The following HEXB variants were observed in gnomAD, a reference collection of about 807,000 sequenced individuals.
HEXB encodes beta-hexosaminidase subunit beta.
A neutral mutation model predicts 71.2 loss-of-function variants in HEXB; 51 were observed. The observed-to-expected ratio is 0.72, with a 90% confidence interval of 0.57 to 0.90. HEXB has a LOEUF of 0.90. HEXB is among the 40% of genes least tolerant of loss of function. HEXB has a pLI of 0.00. For missense variants in HEXB, 617 were observed against 677.0 expected, an observed-to-expected ratio of 0.91 and a Z score of 0.98; for synonymous variants, 266 against 249.3, an observed-to-expected ratio of 1.07 and a Z score of -0.63.
chr5:74,656,349 G>T (rs567251022), intron 1 of HEXB, among the ~76,000 whole-genome samples: 70 of 151,900 alleles, frequency 4.6e-4, no homozygotes, highest in African/African-American at 1.6e-3. Flanking sequence ...TGTGGTGGTG[G>T]GCACCTGTAA....
At chr5:74,682,844 T>C (rs1013256047), upstream of HEXB, among the ~76,000 whole-genome samples, 1 of 152,194 alleles carries the variant, frequency 6.6e-6, no homozygotes, top group Non-Finnish European at 1.5e-5. Context: ...TCATCCATCA[T>C]GAGTCATGGC....
chr5:74,667,002 G>C (rs1304543665), intron 1 of HEXB, among the ~76,000 whole-genome samples: 5 of 152,146 alleles, frequency 3.3e-5, no homozygotes, highest in African/African-American at 1.2e-4. Flanking sequence ...TCTGGCATTA[G>C]AGACAGTAGG....
chr5:74,661,496 A>T (rs1748318308), intron 1 of HEXB, among the ~76,000 whole-genome samples: 1 of 148,878 alleles, frequency 6.7e-6, no homozygotes, highest in South Asian at 2.1e-4. Flanking sequence ...GAAGTCATGA[A>T]TTCATTTTCT....
At chr5:74,677,703 A>T (rs1282587680) in intron 1 of HEXB, among the ~76,000 whole-genome samples, 1 of 151,448 alleles carries the variant, frequency 6.6e-6, no homozygotes, top group East Asian at 1.9e-4. Context: ...TTTTATTATT[A>T]TTTTTTATGC....
Position 74,685,333 on chromosome 5 carries a change from G to A in HEXB, c.73G>A (p.Ala25Thr). Residue 25 changes from alanine to threonine, a missense_variant, in exon 1 of 14, where the codon GCG (alanine) becomes ACG (threonine). By Grantham distance (58) the Ala-to-Thr change is moderately conservative (BLOSUM62 0). Coordinates refer to ENST00000261416, the MANE Select transcript of HEXB (RefSeq NM_000521.4). Reference protein sequence around the residue: ...LALLLATLLAAMLALLTQVAL... With the variant: ...LALLLATLLATMLALLTQVAL... ...GCTGCTGTTGGCGACACTGCTGGCG[G>A]CGATGTTGGCGCTGCTGACTCAGGT... 6.3e-7 allele frequency: 1 copy of A among 1,577,864 alleles called. No homozygotes were observed.
chr5:74,667,417 C>A lies in HEXB; in HGVS notation c.-376-21911C>A, dbSNP rs935485813. 1.2e-3 allele frequency among the ~76,000 whole-genome samples: 183 copies of A among 146,820 alleles called. 1 individual carries two copies. Among genetic ancestry groups the A allele is most frequent in the Non-Finnish European group, 1.4e-3 (95 of 66,326 alleles). On this transcript the variant is annotated intron_variant, in intron 1 of 13. Transcript: ENST00000511181. The stretch of plus-strand genomic sequence containing the variant: ...CTGGATGAGAAGAGCAAAACTCTCT[C>A]AAAAAAAAAAATTACCATACAGTCC...
In HEXB at chr5:74,720,413, A is replaced by G. The variant is rs779759186; in HGVS notation, c.1418-15A>G. On this transcript the variant is annotated splice_polypyrimidine_tract_variant and intron_variant, in intron 11 of 13. Coordinates refer to ENST00000261416, the MANE Select transcript of HEXB (RefSeq NM_000521.4). ...GCTTTGAACTTCTGAACTTAATTCA[A>G]TGATTTTAATTTAGGTACTCAGAAA... 8.4e-6 allele frequency: 13 copies of G among 1,551,096 alleles called. No homozygotes were observed. The highest frequency in any genetic ancestry group is 4.5e-5 in the South Asian group (4 of 89,864).
chr5:74,702,545 A>G (rs1286865585), intron 5 of HEXB, among the ~76,000 whole-genome samples: 1 of 152,170 alleles, frequency 6.6e-6, no homozygotes, highest in Non-Finnish European at 1.5e-5. Flanking sequence ...AGGTGACACA[A>G]TGTCTTATTT....
intron 3 of HEXB, 80 bp downstream of exon 3, chr5:74,693,784 A>G (rs1749053375): frequency 1.0e-6 from 1 of 992,080 alleles, no homozygotes; most frequent in Admixed American, 1.7e-5. Flanking sequence ...AAGCACAGCA[A>G]AACTTTGCCG....
chr5:74,673,720 T>C (rs1748581389), intron 1 of HEXB, among the ~76,000 whole-genome samples: 1 of 152,328 alleles, frequency 6.6e-6, no homozygotes, highest in South Asian at 2.1e-4. Context: ...ACGTATCCCT[T>C]TGCTGTGTAG....
chr5:74,655,219 C>T (rs1164914874), intron 1 of HEXB, among the ~76,000 whole-genome samples: 3 of 151,708 alleles, frequency 2.0e-5, no homozygotes, highest in Non-Finnish European at 2.9e-5. Context: ...ATAACAGGCA[C>T]TAAAAAGGGC....
intron 2 of HEXB, chr5:74,693,352 C>T (rs1749043516): frequency 2.1e-6 from 1 of 484,468 alleles, no homozygotes; most frequent in Non-Finnish European, 3.8e-6. Flanking sequence ...TTCTGAGTGA[C>T]TCAAGTGACT....
At chr5:74,675,411 A>G (rs558136635) in intron 1 of HEXB, among the ~76,000 whole-genome samples, 7 of 152,318 alleles carry the variant, frequency 4.6e-5, no homozygotes, top group East Asian at 1.9e-4. Flanking sequence ...GAGCCTGACT[A>G]AAGTTTGGTC....
At chr5:74,679,024 T>C (rs908355486) in intron 1 of HEXB, among the ~76,000 whole-genome samples, 2 of 152,266 alleles carry the variant, frequency 1.3e-5, no homozygotes, top group African/African-American at 2.4e-5. Context: ...TCATACACTG[T>C]TGCCGTTTTT....
At chr5:74,717,984 T>A (rs900809847) in intron 9 of HEXB, among the ~76,000 whole-genome samples, 1 of 152,210 alleles carries the variant, frequency 6.6e-6, no homozygotes, top group Non-Finnish European at 1.5e-5. Flanking sequence ...GATTGCTGTT[T>A]GTACAATTTC....
intron 1 of HEXB, among the ~76,000 whole-genome samples, chr5:74,686,700 C>T (rs1016038817): frequency 1.3e-5 from 2 of 152,176 alleles, no homozygotes; most frequent in Non-Finnish European, 2.9e-5. Flanking sequence ...TAGACACACA[C>T]ACTAATGAGC....
intron 1 of HEXB, among the ~76,000 whole-genome samples, chr5:74,649,950 G>A (rs1322342123): frequency 6.6e-6 from 1 of 152,204 alleles, no homozygotes. Flanking sequence ...ATTGAGAGAA[G>A]CATCTTTTTC....
intron 2 of HEXB, among the ~76,000 whole-genome samples, chr5:74,690,086 G>C (rs1260336462): frequency 6.6e-6 from 1 of 152,148 alleles, no homozygotes; most frequent in East Asian, 1.9e-4. Context: ...TGCAGAGCTA[G>C]GGGAGAGGGT....
rs1749848532 is a variant in HEXB at position 74,721,155 on chromosome 5, T to C, written c.1651T>C (p.Cys551Arg). The change falls in exon 14 of 14, where the codon TGT (cysteine) becomes CGT (arginine). Residue 551 changes from cysteine to arginine, a missense_variant. Transcript: ENST00000261416. ...TGCACAACCTCTTTATGCTGGATAT[T>C]GTAACCATGAGAACATGTAAAAAAT... The part of the protein sequence containing the change: ...IAAQPLYAGY[C>R]NHENM 2 of 1,613,366 alleles carry C rather than the reference T, an allele frequency of 1.2e-6. No homozygotes were observed. The highest frequency in any genetic ancestry group is 1.7e-6 in the Non-Finnish European group (2 of 1,179,410).
Sources: gnomAD v4.1 joint callset for allele counts (sites outside exome capture counted in the v4.1 genomes callset) on GRCh38, gnomAD v4.1.1 for gene constraint, MANE v1.5 for transcripts, NCBI Gene and HGNC (gene_info 2026-07-23, HGNC 2026-07-21) for gene names.